Variants in ACSS2 observed in about 807,000 individuals in gnomAD.
The protein encoded by ACSS2 is acetyl-coenzyme A synthetase, cytoplasmic.
Under a neutral mutation model 90.6 loss-of-function variants are expected in ACSS2, and 58 were observed. The ratio of observed to expected loss-of-function variants is 0.64; its 90% CI spans 0.52 to 0.80. The LOEUF is 0.80. Among genes scored for constraint, ACSS2 ranks in the 30% least tolerant of loss-of-function variants. ACSS2 has a pLI of 0.00. For missense variants in ACSS2, 759 were observed against 912.0 expected, an observed-to-expected ratio of 0.83 and a Z score of 2.16; for synonymous variants, 300 against 330.9, an observed-to-expected ratio of 0.91 and a Z score of 1.01.
upstream of ACSS2, chr20:34,876,525 A>C (rs1245645420): frequency 1.1e-5 from 12 of 1,107,618 alleles, no homozygotes; most frequent in African/African-American, 7.5e-5. Context: ...AGACTAAGCC[A>C]CTCCCCCACT....
chr20:34,881,452 T>C (rs1289373506), intron 1 of ACSS2, among the ~76,000 whole-genome samples: 2 of 152,212 alleles, frequency 1.3e-5, no homozygotes, highest in Admixed American at 6.5e-5. Context: ...GAATGTAAAT[T>C]TGATCATGTT....
At chr20:34,898,368 T>A (rs146848900) in intron 2 of ACSS2, among the ~76,000 whole-genome samples, 57 of 152,028 alleles carry the variant, frequency 3.7e-4, no homozygotes, top group African/African-American at 1.2e-3. Context: ...GACACAAAGG[T>A]TCTCCACATC....
chr20:34,913,709 C>A (rs867222166), intron 4 of ACSS2, 44 bp from the exon 5 acceptor site: 3 of 1,570,982 alleles, frequency 1.9e-6, no homozygotes, highest in Middle Eastern at 3.3e-4. Flanking sequence ...TCACTCAATC[C>A]CTGGGGCTTT....
chr20:34,878,603 G>A (rs2079984282), intron 1 of ACSS2, among the ~76,000 whole-genome samples: 1 of 152,180 alleles, frequency 6.6e-6, no homozygotes, highest in African/African-American at 2.4e-5. Flanking sequence ...GTGGAGTTGG[G>A]ATTTGAACCA....
In ACSS2 at chr20:34,914,116, A is replaced by G; in HGVS notation, c.664A>G (p.Lys222Glu). 6.2e-7 allele frequency: 1 copy of G among 1,614,136 alleles called. No individual in the cohort carries two copies. The highest frequency in any genetic ancestry group is 8.5e-7 in the Non-Finnish European group (1 of 1,180,014). Residue 222 changes from lysine (K) to glutamate (E), a missense_variant, in exon 6 of 18, where the codon AAG becomes GAG. Transcript: ENST00000360596. ...ITTDAFYRGE[K>E]LVNLKELADE... ...CAAAGATGCCTTCTACAGGGGGGAA[A>G]AGCTTGTGAACCTGAAGGAGCTGGC... is the stretch of plus-strand genomic sequence containing the variant.
At chr20:34,899,106 C>T (rs1340463935) in intron 2 of ACSS2, among the ~76,000 whole-genome samples, 1 of 152,224 alleles carries the variant, frequency 6.6e-6, no homozygotes, top group African/African-American at 2.4e-5. Context: ...AGTGCGGGGC[C>T]TGCCAAGCCC....
chr20:34,896,925 G>T (rs775512836), intron 2 of ACSS2, among the ~76,000 whole-genome samples: 2 of 152,106 alleles, frequency 1.3e-5, no homozygotes, highest in Non-Finnish European at 2.9e-5. Flanking sequence ...AGCTACTCGG[G>T]AGGCTGAGAC....
intron 2 of ACSS2, among the ~76,000 whole-genome samples, chr20:34,912,200 G>A (rs1468882453): frequency 6.6e-6 from 1 of 152,234 alleles, no homozygotes; most frequent in Admixed American, 6.5e-5. Flanking sequence ...AATGACTGAA[G>A]TAAACCAGGC....
At chr20:34,890,661 C>T (rs926603890) in intron 2 of ACSS2, among the ~76,000 whole-genome samples, 40 of 152,110 alleles carry the variant, frequency 2.6e-4, no homozygotes, top group African/African-American at 9.4e-4. Context: ...TCGTTGATTC[C>T]TTCCATTGTT....
chr20:34,895,017 T>G (rs1381772137), intron 2 of ACSS2, among the ~76,000 whole-genome samples: 3 of 152,182 alleles, frequency 2.0e-5, no homozygotes, highest in Admixed American at 2.0e-4. Flanking sequence ...TGTATTTTTG[T>G]AACCTCCTCA....
chr20:34,889,506 C>T lies in ACSS2; in HGVS notation c.374+6517C>T, dbSNP rs1449760813. 1.4e-4 allele frequency among the ~76,000 whole-genome samples: 21 copies of T among 149,432 alleles called. 1 individual carries two copies. The highest frequency in any genetic ancestry group is 4.0e-4 in the Admixed American group (6 of 14,978). ...TCCTGACCTTGTGACCCGCCCGCCT[C>T]GGCCTCCCAAAGTGCTGGGATTACA... On this transcript the variant is annotated intron_variant, in intron 2 of 17. Coordinates refer to ENST00000360596, the MANE Select transcript of ACSS2 (RefSeq NM_018677.4).
chr20:34,908,561 T>C (rs1002211718), intron 2 of ACSS2, among the ~76,000 whole-genome samples: 2 of 152,130 alleles, frequency 1.3e-5, no homozygotes, highest in African/African-American at 4.8e-5. Flanking sequence ...TATTTATCAA[T>C]ATTTAAAATG....
intron 1 of ACSS2, among the ~76,000 whole-genome samples, chr20:34,878,890 C>A (rs1252574665): frequency 7.1e-6 from 1 of 141,650 alleles, no homozygotes; most frequent in East Asian, 2.0e-4. Context: ...TAAAATTCTG[C>A]TTTTCTTTTT....
chr20:34,899,593 G>A (rs1229586306), intron 2 of ACSS2, among the ~76,000 whole-genome samples: 2 of 151,350 alleles, frequency 1.3e-5, no homozygotes, highest in Admixed American at 6.6e-5. Context: ...GGGTTCAAGC[G>A]ATTCTCCCAC....
intron 1 of ACSS2, among the ~76,000 whole-genome samples, chr20:34,878,995 C>T (rs1480086654): frequency 2.0e-5 from 3 of 150,114 alleles, no homozygotes; most frequent in East Asian, 2.0e-4. Flanking sequence ...AGCTCCGCCT[C>T]CCGGGTTCAC....
At chr20:34,878,735 A>C (rs2146956786) in intron 1 of ACSS2, among the ~76,000 whole-genome samples, 1 of 152,192 alleles carries the variant, frequency 6.6e-6, no homozygotes, top group East Asian at 1.9e-4. Flanking sequence ...GCAGCCTCCT[A>C]ATTTGTCCTC....
intron 2 of ACSS2, among the ~76,000 whole-genome samples, chr20:34,885,098 G>A (rs751937351): frequency 3.3e-5 from 5 of 152,122 alleles, no homozygotes; most frequent in African/African-American, 7.2e-5. Flanking sequence ...TACTTGAAAG[G>A]CTGTGGTGGG....
In ACSS2 at chr20:34,923,303, G is replaced by C. The variant is rs775835167; in HGVS notation, c.1549-20G>C. 1 of 1,561,366 alleles carries C rather than the reference G, an allele frequency of 6.4e-7. No homozygotes were observed. Among genetic ancestry groups the C allele is most frequent in the Non-Finnish European group, 8.8e-7 (1 of 1,132,072 alleles). ...AGACAGCATAGCAAATGTGATCACT[G>C]TCCCTTCCTCACTCCCCAGGTGTTC... On this transcript the variant is annotated intron_variant, in intron 13 of 17. Transcript: ENST00000360596.
chr20:34,923,169 G>C (rs2081239165), intron 13 of ACSS2, 154 bp from the exon 14 acceptor site: 3 of 605,604 alleles, frequency 5.0e-6, no homozygotes, highest in Middle Eastern at 8.4e-4. Flanking sequence ...CACCTAGCTA[G>C]TAAGTGGTAG....
Sources: allele counts gnomAD v4.1 joint callset (sites outside exome capture counted in the v4.1 genomes callset), GRCh38; gene constraint gnomAD v4.1.1; transcripts MANE v1.5; gene names NCBI Gene and HGNC (gene_info 2026-07-23, HGNC 2026-07-21).